The following SLC25A24 variants were observed in gnomAD, a reference collection of about 807,000 sequenced individuals.
SLC25A24 encodes the protein solute carrier family 25 member 24, also known as mitochondrial adenyl nucleotide antiporter SLC25A24.
SLC25A24 carries 49 observed loss-of-function variants against 60.7 expected under a neutral mutation model. That is an observed-to-expected ratio of 0.81 (90% CI 0.64 to 1.02). The LOEUF is 1.02. SLC25A24 is among the 50% of genes least tolerant of loss of function. The pLI, the probability that SLC25A24 is intolerant of heterozygous loss-of-function variation, is 0.00. For missense variants in SLC25A24, 564 were observed against 586.3 expected (o/e 0.96, Z 0.39); for synonymous variants, 202 against 200.6 (o/e 1.01, Z -0.06).
At chr1:108,157,326 G>T in intron 5 of SLC25A24, 136 bp downstream of exon 5, 2 of 931,220 alleles carry the variant, frequency 2.1e-6, no homozygotes, top group Non-Finnish European at 3.1e-6. Context: ...AGAGTTAACA[G>T]CAACAAAATA....
At chr1:108,150,145 AC>A (rs1558010300) in intron 6 of SLC25A24, among the ~76,000 whole-genome samples, 1 of 152,176 alleles carries the variant, frequency 6.6e-6, no homozygotes, top group African/African-American at 2.4e-5. Flanking sequence ...CTTTGAAGGT[AC>A]CTTTTATACC....
chr1:108,178,217 G>A (rs761739457), intron 3 of SLC25A24, among the ~76,000 whole-genome samples: 20 of 151,912 alleles, frequency 1.3e-4, no homozygotes, highest in African/African-American at 4.6e-4. Context: ...CCATTAATAC[G>A]TCTGAAAGGA....
chr1:108,145,482 T>G (rs1036499305), intron 7 of SLC25A24, among the ~76,000 whole-genome samples: 2 of 152,226 alleles, frequency 1.3e-5, no homozygotes, highest in Non-Finnish European at 2.9e-5. Context: ...ATGAAGTCTT[T>G]GTCCATGCCT....
rs1679860455 is a variant in SLC25A24 at position 108,155,116 on chromosome 1, T to C, written c.689A>G (p.Asp230Gly). ...AAAGCCACCAAATATGTTCATTTTGTCTGATTTTGAACCGTGAACCTAAAA... is the reference window on the plus strand; with the variant it reads ...AAAGCCACCAAATATGTTCATTTTGCCTGATTTTGAACCGTGAACCTAAAA... ...IMMQVHGSKSDKMNIFGGFRQ... is the reference protein window; with the variant it reads ...IMMQVHGSKSGKMNIFGGFRQ... The change falls in exon 6 of 10, where the codon GAC becomes GGC. Residue 230 changes from aspartate to glycine, a missense_variant. Coordinates refer to ENST00000565488, the MANE Select transcript of SLC25A24 (RefSeq NM_013386.5). The C allele has an allele frequency of 1.2e-6, 2 of 1,610,774 alleles. No homozygotes were observed. Among genetic ancestry groups the C allele is most frequent in the South Asian group, 2.2e-5 (2 of 90,382 alleles).
Position 108,148,384 on chromosome 1 carries a change from G to A in SLC25A24, c.825C>T (p.Tyr275=). 6.4e-7 allele frequency: 1 copy of A among 1,571,926 alleles called. No individual in the cohort carries two copies. Among genetic ancestry groups the A allele is most frequent in the Non-Finnish European group, 8.8e-7 (1 of 1,141,750 alleles). The change falls in exon 7 of 10, where the codon TAC becomes TAT. Residue 275 remains tyrosine (Y), a splice_region_variant and synonymous_variant. Transcript: ENST00000565488. ...TAVKFWAYEQ[Y]KKLLTEEGQK... is the part of the protein sequence containing the mutation. Reference sequence around the variant, plus strand: ...GTCCTTCTTCAGTAAGTAACTTCTTGTACTGTATAAACAAGTTTTAAAATG... The same window carrying A: ...GTCCTTCTTCAGTAAGTAACTTCTTATACTGTATAAACAAGTTTTAAAATG...
chr1:108,155,518 A>T (rs1679874308), intron 5 of SLC25A24, among the ~76,000 whole-genome samples: 1 of 151,626 alleles, frequency 6.6e-6, no homozygotes, highest in Admixed American at 6.6e-5. Context: ...GCAGATAATA[A>T]TATTATATTA....
At chr1:108,186,763 G>T (rs1329619462) in intron 1 of SLC25A24, among the ~76,000 whole-genome samples, 1 of 151,898 alleles carries the variant, frequency 6.6e-6, no homozygotes, top group Non-Finnish European at 1.5e-5. Flanking sequence ...TGTTCTCATG[G>T]TCATGCTCTT....
At chr1:108,170,907 C>T (rs1305898069) in intron 3 of SLC25A24, among the ~76,000 whole-genome samples, 1 of 152,070 alleles carries the variant, frequency 6.6e-6, no homozygotes, top group African/African-American at 2.4e-5. Context: ...TCACCCACCT[C>T]AAACCCCCAG....
chr1:108,135,565 A>G lies in SLC25A24; in HGVS notation c.*1088T>C, dbSNP rs981436415. ...TAACATGTTCCTAAAACTTGGGGCA[A>G]GAGAGAATATGAATGTATATGTTTA... On this transcript the variant is annotated 3_prime_UTR_variant, in exon 10 of 10. Coordinates refer to ENST00000565488, the MANE Select transcript of SLC25A24 (RefSeq NM_013386.5). The G allele has an allele frequency of 6.6e-6, 1 of 152,242 alleles. No homozygotes were observed. The highest frequency in any genetic ancestry group is 2.4e-5 in the African/African-American group (1 of 41,474). The allele number at this position is 152,242 out of a possible 1,614,324, so 9.4% of individuals were successfully genotyped here. A position where few individuals can be genotyped will look rare whatever the true frequency, so the allele number is the denominator to read the frequency against.
At chr1:108,176,396 G>GT (rs1647674977) in intron 3 of SLC25A24, among the ~76,000 whole-genome samples, 1 of 152,126 alleles carries the variant, frequency 6.6e-6, no homozygotes, top group Admixed American at 6.5e-5. Flanking sequence ...AAAGAGCAAA[G>GT]TTTTGAGTCA....
chr1:108,139,679 G>A (rs1015776856), intron 8 of SLC25A24, among the ~76,000 whole-genome samples: 1 of 152,070 alleles, frequency 6.6e-6, no homozygotes, highest in African/African-American at 2.4e-5. Flanking sequence ...CCAGGCTGTA[G>A]TGCAGTGGCC....
chr1:108,189,590 G>A (rs1181280654), intron 1 of SLC25A24, among the ~76,000 whole-genome samples: 7 of 152,092 alleles, frequency 4.6e-5, no homozygotes, highest in South Asian at 4.1e-4. Context: ...CAAGGTGGGC[G>A]GATCACTTGA....
In SLC25A24 at chr1:108,136,127, G is replaced by A. The variant is rs1222289520; in HGVS notation, c.*526C>T. ...CCACTGTGTTCATTCGTATTCAGCT[G>A]AAAGAAAAATAAGGACATAAACCCT... is the stretch of plus-strand genomic sequence containing the variant. On this transcript the variant is annotated 3_prime_UTR_variant, in exon 10 of 10. Transcript: ENST00000565488. The A allele has an allele frequency of 6.6e-6, 1 of 152,120 alleles. No homozygotes were observed. The highest frequency in any genetic ancestry group is 1.5e-5 in the Non-Finnish European group (1 of 68,028). 9.4% of individuals were successfully genotyped at this position (152,120 alleles called of 1,614,324 possible).
chr1:108,186,350 A>AG (rs1648124703), intron 1 of SLC25A24, among the ~76,000 whole-genome samples: 1 of 152,024 alleles, frequency 6.6e-6, no homozygotes, highest in African/African-American at 2.4e-5. Context: ...TGAGGTCAGG[A>AG]TTCAAGACCA....
intron 1 of SLC25A24, 83 bp from the exon 2 acceptor site, chr1:108,186,037 G>C (rs1251449790): frequency 3.6e-6 from 4 of 1,115,954 alleles, no homozygotes; most frequent in Non-Finnish European, 5.0e-6. Context: ...AAGCAGATTA[G>C]CTGTTTTCCT....
chr1:108,188,275 T>C (rs1031554176), intron 1 of SLC25A24, among the ~76,000 whole-genome samples: 2 of 152,070 alleles, frequency 1.3e-5, no homozygotes, highest in Non-Finnish European at 2.9e-5. Context: ...TTGGGTACTA[T>C]GCTCACTACC....
chr1:108,149,767 C>A (rs1452571815), intron 6 of SLC25A24, among the ~76,000 whole-genome samples: 1 of 152,102 alleles, frequency 6.6e-6, no homozygotes, highest in South Asian at 2.1e-4. Flanking sequence ...GTCTCACCTC[C>A]TGGACTTCTC....
At chr1:108,151,362 C>T (rs990690731) in intron 6 of SLC25A24, among the ~76,000 whole-genome samples, 1 of 152,182 alleles carries the variant, frequency 6.6e-6, no homozygotes, top group African/African-American at 2.4e-5. Context: ...AGTTTCTTCA[C>T]CTCCCATTCA....
At chr1:108,181,814 G>C (rs997063700) in intron 3 of SLC25A24, 127 bp downstream of exon 3, 4 of 698,834 alleles carry the variant, frequency 5.7e-6, no homozygotes, top group African/African-American at 1.8e-5. Context: ...GAGGAAAAAA[G>C]ACAAAAAGAT....
Sources: gnomAD v4.1 joint callset for allele counts (sites outside exome capture counted in the v4.1 genomes callset) on GRCh38, gnomAD v4.1.1 for gene constraint, MANE v1.5 for transcripts, NCBI Gene and HGNC (gene_info 2026-07-23, HGNC 2026-07-21) for gene names.